Variants in EDRF1 observed in about 807,000 individuals in gnomAD.
EDRF1 encodes erythroid differentiation-related factor 1.
A neutral mutation model predicts 148.7 loss-of-function variants in EDRF1; 69 were observed. The ratio of observed to expected loss-of-function variants is 0.46; its 90% CI spans 0.38 to 0.57. The LOEUF (loss-of-function observed/expected upper bound fraction) is 0.57. Ranked by LOEUF, EDRF1 falls within the 20% of genes least tolerant of loss-of-function variation. EDRF1 has a pLI of 0.00. For synonymous variants in EDRF1, 515 were observed against 532.8 expected (o/e 0.97, Z 0.46); for missense variants, 1,118 against 1,478.7 (o/e 0.76, Z 4.00).
intron 24 of EDRF1, among the ~76,000 whole-genome samples, chr10:125,759,672 C>G (rs1479986948): frequency 1.3e-5 from 2 of 151,852 alleles, no homozygotes; most frequent in Non-Finnish European, 2.9e-5. Flanking sequence ...TCTCTATAGT[C>G]TAAGGAGAGC....
intron 21 of EDRF1, 131 bp downstream of exon 21, chr10:125,748,143 T>G: frequency 9.2e-7 from 1 of 1,083,900 alleles, no homozygotes; most frequent in Non-Finnish European, 1.4e-6. Context: ...CTAAATTTTC[T>G]GCTGCGTCTG....
chr10:125,732,138 A>G (rs1052711360), intron 9 of EDRF1, among the ~76,000 whole-genome samples: 1 of 152,182 alleles, frequency 6.6e-6, no homozygotes, highest in Non-Finnish European at 1.5e-5. Flanking sequence ...CTTTTCTGAA[A>G]GTCTGCTGTA....
chr10:125,762,707 G>A (rs1337816940), intron 24 of EDRF1, among the ~76,000 whole-genome samples: 2 of 152,188 alleles, frequency 1.3e-5, no homozygotes, highest in African/African-American at 2.4e-5. Flanking sequence ...AGTAAACTGA[G>A]ATGCAGCAGT....
intron 24 of EDRF1, among the ~76,000 whole-genome samples, chr10:125,759,322 T>C (rs1850075761): frequency 1.3e-5 from 2 of 152,208 alleles, no homozygotes; most frequent in African/African-American, 4.8e-5. Flanking sequence ...TTTCTCTCCC[T>C]GTATCAGCCT....
chr10:125,726,037 T>C (rs923954413), intron 6 of EDRF1, among the ~76,000 whole-genome samples, 199 bp downstream of exon 6: 1 of 152,152 alleles, frequency 6.6e-6, no homozygotes, highest in Non-Finnish European at 1.5e-5. Flanking sequence ...ACAAGAGCTA[T>C]TATAGGTGGG....
intron 24 of EDRF1, among the ~76,000 whole-genome samples, chr10:125,758,850 C>T (rs867631518): frequency 4.6e-5 from 7 of 152,138 alleles, no homozygotes; most frequent in Admixed American, 3.3e-4. Flanking sequence ...GGCAGACACT[C>T]GTGTCCCTGA....
At chr10:125,749,639 C>T in intron 22 of EDRF1, 74 bp downstream of exon 22, 1 of 1,540,986 alleles carries the variant, frequency 6.5e-7, no homozygotes, top group Non-Finnish European at 8.9e-7. Context: ...TAAGGCAGGC[C>T]TGTGAATCTA....
At chr10:125,753,406 C>G (rs923436801) in intron 23 of EDRF1, among the ~76,000 whole-genome samples, 1 of 152,178 alleles carries the variant, frequency 6.6e-6, no homozygotes, top group African/African-American at 2.4e-5. Flanking sequence ...ACCTATTGCT[C>G]TTCTAGCCCT....
intron 4 of EDRF1, among the ~76,000 whole-genome samples, chr10:125,724,931 G>A (rs1335349920): frequency 1.3e-5 from 2 of 152,204 alleles, no homozygotes; most frequent in African/African-American, 2.4e-5. Context: ...AGTTCATCAT[G>A]TGAGTATGAG....
intron 6 of EDRF1, among the ~76,000 whole-genome samples, chr10:125,726,861 A>G (rs1848277568): frequency 6.6e-6 from 1 of 152,182 alleles, no homozygotes; most frequent in Non-Finnish European, 1.5e-5. Flanking sequence ...TACATAATAC[A>G]AATACTACCC....
rs545271942 is a variant in EDRF1, at chr10:125,750,082, A to G, written c.3277+517A>G. Among the ~76,000 whole-genome samples, 7 of 152,352 alleles carry G rather than the reference A, an allele frequency of 4.6e-5. No homozygotes were observed. In the East Asian group the frequency reaches 9.7e-4, roughly 21 times the overall value. On this transcript the variant is annotated intron_variant, in intron 22 of 24. Transcript: ENST00000356792. Reference sequence around the variant, plus strand: ...CTTGAACCCAGGAGGCGAAGGTTGCAGTGAGCCAAGATCGTGCCACTGCAC... The same window carrying G: ...CTTGAACCCAGGAGGCGAAGGTTGCGGTGAGCCAAGATCGTGCCACTGCAC...
intron 19 of EDRF1, 76 bp downstream of exon 19, chr10:125,746,006 A>G: frequency 7.3e-7 from 1 of 1,374,676 alleles, no homozygotes; most frequent in South Asian, 1.2e-5. Context: ...GTTTCACTAA[A>G]ATACTATAAA....
chr10:125,723,440 T>C (rs1345259023), intron 3 of EDRF1, among the ~76,000 whole-genome samples: 1 of 152,224 alleles, frequency 6.6e-6, no homozygotes, highest in Non-Finnish European at 1.5e-5. Flanking sequence ...CTGTATATGT[T>C]ACCAGTTGAG....
In EDRF1 at chr10:125,751,348, A is replaced by C. The variant is rs376928320; in HGVS notation, c.3278-1451A>C. 3.6e-4 allele frequency among the ~76,000 whole-genome samples: 55 copies of C among 152,044 alleles called. 1 individual carries two copies. Among genetic ancestry groups the C allele is most frequent in the African/African-American group, 1.3e-3 (54 of 41,392 alleles). On this transcript the variant is annotated intron_variant, in intron 22 of 24. Transcript: ENST00000356792. The stretch of plus-strand genomic sequence containing the variant: ...GCCAGGTTTGTGGGTTTTGTAAGCC[A>C]AGTTAATAAATGCTCTAGTTTGTGA...
intron 9 of EDRF1, chr10:125,731,999 C>A: frequency 2.6e-6 from 1 of 382,108 alleles, no homozygotes; most frequent in South Asian, 1.8e-5. Context: ...TGAGGACATG[C>A]TTTGAACCGT....
chr10:125,751,200 A>C (rs916199620), intron 22 of EDRF1, among the ~76,000 whole-genome samples: 1 of 152,154 alleles, frequency 6.6e-6, no homozygotes, highest in Non-Finnish European at 1.5e-5. Flanking sequence ...CGGCCTCCCA[A>C]AGTGCTGGAA....
intron 24 of EDRF1, among the ~76,000 whole-genome samples, chr10:125,754,440 C>G (rs1849795186): frequency 6.6e-6 from 1 of 152,118 alleles, no homozygotes; most frequent in Non-Finnish European, 1.5e-5. Flanking sequence ...ATGAATAACC[C>G]TGGAATGAAG....
intron 19 of EDRF1, chr10:125,747,263 T>C (rs1849408226): frequency 2.2e-6 from 1 of 447,056 alleles, no homozygotes; most frequent in Admixed American, 3.9e-5. Context: ...TGCATCATCA[T>C]GCTCAGCCTG....
chr10:125,747,515 A>G (rs2133742408), intron 19 of EDRF1, 21 bp from the exon 20 acceptor site: 2 of 1,613,988 alleles, frequency 1.2e-6, no homozygotes, highest in African/African-American at 1.3e-5. Context: ...TCAGAAATGT[A>G]CACTGTTTTC....
Sources: gnomAD v4.1 joint callset for allele counts (sites outside exome capture counted in the v4.1 genomes callset) on GRCh38, gnomAD v4.1.1 for gene constraint, MANE v1.5 for transcripts, NCBI Gene and HGNC (gene_info 2026-07-23, HGNC 2026-07-21) for gene names.